WNK1: variants seen among roughly 807,000 people sequenced by gnomAD.
WNK1 encodes serine/threonine-protein kinase WNK1.
Under a neutral mutation model 222.8 loss-of-function variants are expected in WNK1, and 38 were observed. The ratio of observed to expected loss-of-function variants is 0.17; its 90% CI spans 0.13 to 0.22. The LOEUF (loss-of-function observed/expected upper bound fraction) is 0.22. Ranked by LOEUF, WNK1 falls within the 10% of genes least tolerant of loss-of-function variation. The pLI is 1.00. For missense variants in WNK1, 2,348 were observed against 2,918.4 expected (o/e 0.80, Z 4.50); for synonymous variants, 1,090 against 1,092.9 (o/e 1.00, Z 0.05).
In WNK1 at chr12:883,943, G is replaced by C. The variant is rs1187432252; in HGVS notation, c.3721+112G>C. On this transcript the variant is annotated intron_variant, in intron 17 of 27. Coordinates refer to ENST00000315939, the MANE Select transcript of WNK1 (RefSeq NM_018979.4). ...CTCAGGAGGCCGAGGCACGAGAATC[G>C]CTTGAACCCAGGAGGCGGAGGTTGC... The C allele has an allele frequency of 4.0e-6, 6 of 1,498,852 alleles. No homozygotes were observed. The East Asian group carries it at 1.4e-4, about 35-fold the overall frequency. The allele number at this position is 1,498,852 out of a possible 1,614,324, so 92.8% of individuals were successfully genotyped here.
Position 754,337 on chromosome 12 carries a change from C to T in WNK1, c.759+13C>T. On this transcript the variant is annotated intron_variant, in intron 1 of 27. Transcript: ENST00000315939. ...GTGTGAACTGCAGGTAAAGCCCCAC[C>T]TACTTTATTTGACGGTCCTTTGGAT... 2 of 1,611,656 alleles carry T rather than the reference C, an allele frequency of 1.2e-6. No individual in the cohort carries two copies. Among genetic ancestry groups the T allele is most frequent in the Non-Finnish European group, 1.7e-6 (2 of 1,179,728 alleles).
At chr12:803,362 C>G (rs187196184) in intron 1 of WNK1, among the ~76,000 whole-genome samples, 1 of 152,252 alleles carries the variant, frequency 6.6e-6, no homozygotes, top group East Asian at 1.9e-4. Context: ...GTATATCATT[C>G]ATGAATAAGT....
Position 880,854 on chromosome 12 carries a change from G to C in WNK1, c.2966G>C (p.Gly989Ala), listed in dbSNP as rs760726263. The change falls in exon 12 of 28, where the codon GGG becomes GCG. Residue 989 changes from glycine to alanine, a missense_variant. Gly to Ala is a moderately conservative substitution (Grantham distance 60). Transcript: ENST00000315939. ...CCGACAGAAGTACTGGCTACACCTG[G>C]GTACTTTCCCACAGTGGTGCAGCCT... is the stretch of plus-strand genomic sequence containing the variant. ...PMPTEVLATP[G>A]YFPTVVQPYV... 3.7e-6 allele frequency: 6 copies of C among 1,613,984 alleles called. No homozygotes were observed. Among genetic ancestry groups the C allele is most frequent in the Non-Finnish European group, 5.1e-6 (6 of 1,179,998 alleles).
chr12:758,999 C>G (rs1312907882), intron 1 of WNK1, among the ~76,000 whole-genome samples: 1 of 142,038 alleles, frequency 7.0e-6, no homozygotes, highest in Admixed American at 6.9e-5. Context: ...AGCAGCTTAT[C>G]AAAGAATTTC....
rs759576791 is a variant in WNK1 at position 868,961 on chromosome 12, T to G, written c.2140-2304T>G. ...AGGGGGAGCAGCTGCACCTTTTGGCTCTGACGTCTCAATGCCCTTTATCCA... is the reference window on the plus strand; with the variant it reads ...AGGGGGAGCAGCTGCACCTTTTGGCGCTGACGTCTCAATGCCCTTTATCCA... On this transcript the variant is annotated intron_variant, in intron 8 of 27. Coordinates refer to ENST00000315939, the MANE Select transcript of WNK1 (RefSeq NM_018979.4). 8.8e-6 allele frequency: 14 copies of G among 1,589,524 alleles called. No individual in the cohort carries two copies. Among genetic ancestry groups the G allele is most frequent in the Non-Finnish European group, 1.2e-5 (14 of 1,167,932 alleles).
intron 8 of WNK1, among the ~76,000 whole-genome samples, chr12:866,006 T>C (rs933865994): frequency 6.6e-6 from 1 of 152,224 alleles, no homozygotes; most frequent in Middle Eastern, 3.2e-3. Flanking sequence ...TATGACTTTC[T>C]TTGGCTCCAT....
chr12:789,051 A>G (rs1438040911), intron 1 of WNK1, among the ~76,000 whole-genome samples: 1 of 152,186 alleles, frequency 6.6e-6, no homozygotes, highest in African/African-American at 2.4e-5. Context: ...TAATAATGAA[A>G]GGACATACTG....
intron 26 of WNK1, among the ~76,000 whole-genome samples, chr12:905,644 T>G (rs1159037814): frequency 6.6e-6 from 1 of 152,222 alleles, no homozygotes. Context: ...TCCCCATGCA[T>G]GTGATATGCT....
chr12:873,386 T>C (rs967572160), intron 9 of WNK1, among the ~76,000 whole-genome samples: 1 of 152,200 alleles, frequency 6.6e-6, no homozygotes, highest in African/African-American at 2.4e-5. Flanking sequence ...GAAAAAAATA[T>C]GGCTAAATGC....
chr12:884,708 A>G lies in WNK1; in HGVS notation c.3904A>G (p.Ser1302Gly). Residue 1302 changes from serine to glycine, a missense_variant, in exon 19 of 28, where the codon AGT becomes GGT. Transcript: ENST00000315939. The surrounding 1 kb of genome is among the most constrained non-coding windows in gnomAD (Gnocchi z 5.6). Reference protein sequence around the residue: ...MNLSHSASSLSLQQAFSELRR... With the variant: ...MNLSHSASSLGLQQAFSELRR... ...CTTGTCTCACTCTGCATCATCCCTT[A>G]GTCTACAACAGGCCTTTTCTGAACT... 1 of 1,614,148 alleles carries G rather than the reference A, an allele frequency of 6.2e-7. No homozygotes were observed. Among genetic ancestry groups the G allele is most frequent in the Middle Eastern group, 1.6e-4 (1 of 6,062 alleles).
chr12:902,803 GCC>G, intron 26 of WNK1, among the ~76,000 whole-genome samples: 1 of 152,318 alleles, frequency 6.6e-6, no homozygotes, highest in South Asian at 2.1e-4. Context: ...ATGAGTCAGT[GCC>G]TACCTGGCAC....
At chr12:868,781 A>G (rs745975292) in intron 8 of WNK1, 1 of 1,614,032 alleles carries the variant, frequency 6.2e-7, no homozygotes. Flanking sequence ...GCAGCCTGTG[A>G]CTGAAGAAAA....
At chr12:799,102 G>A (rs1945625869) in intron 1 of WNK1, among the ~76,000 whole-genome samples, 1 of 151,952 alleles carries the variant, frequency 6.6e-6, no homozygotes, top group African/African-American at 2.4e-5. Context: ...TATTTTGCAA[G>A]CTTTCATTGA....
chr12:842,569 C>A (rs1253905790), intron 4 of WNK1, among the ~76,000 whole-genome samples: 1 of 152,164 alleles, frequency 6.6e-6, no homozygotes, highest in African/African-American at 2.4e-5. Flanking sequence ...CCTGAGACTT[C>A]ATAGGGCAGA....
At chr12:854,353 A>ATC (rs1418104972) in intron 4 of WNK1, among the ~76,000 whole-genome samples, 6 of 57,528 alleles carry the variant, frequency 1.0e-4, no homozygotes, top group Non-Finnish European at 2.2e-4. Context: ...ACTTATCATT[A>ATC]TCTTTTTTTT....
At chr12:809,761 A>G (rs1241224574) in intron 1 of WNK1, among the ~76,000 whole-genome samples, 2 of 152,230 alleles carry the variant, frequency 1.3e-5, no homozygotes, top group Non-Finnish European at 2.9e-5. Context: ...GAGAGTTGCC[A>G]GACTTAAATA....
At chr12:839,134 T>G (rs1317187666) in intron 4 of WNK1, among the ~76,000 whole-genome samples, 4 of 152,158 alleles carry the variant, frequency 2.6e-5, no homozygotes, top group Non-Finnish European at 4.4e-5. Flanking sequence ...TTGGACAGGT[T>G]AGGGATATGG....
At chr12:856,698 T>C (rs945274397) in intron 4 of WNK1, among the ~76,000 whole-genome samples, 3 of 152,192 alleles carry the variant, frequency 2.0e-5, no homozygotes, top group African/African-American at 7.2e-5. Flanking sequence ...CCTTTGAGTT[T>C]GTTAAAGATT....
At chr12:886,374 G>A (rs1485462058) in intron 19 of WNK1, among the ~76,000 whole-genome samples, 1 of 152,154 alleles carries the variant, frequency 6.6e-6, no homozygotes, top group Non-Finnish European at 1.5e-5. Flanking sequence ...AACTGAAGAA[G>A]TCTGTATCCC....
Sources: allele counts gnomAD v4.1 joint callset (sites outside exome capture counted in the v4.1 genomes callset), GRCh38; gene constraint gnomAD v4.1.1; non-coding constraint Gnocchi (gnomAD v3.1); transcripts MANE v1.5; gene names NCBI Gene and HGNC (gene_info 2026-07-23, HGNC 2026-07-21).